CHEK2: variants seen among roughly 807,000 people sequenced by gnomAD.
CHEK2 encodes checkpoint kinase 2, also known as serine/threonine-protein kinase Chk2.
A neutral mutation model predicts 69.1 loss-of-function variants in CHEK2; 71 were observed. The ratio of observed to expected loss-of-function variants is 1.03; its 90% confidence interval spans 0.85 to 1.25. The LOEUF is 1.25. Ranked by LOEUF, CHEK2 falls within the 50% of genes most tolerant of loss-of-function variation. The probability of loss-of-function intolerance (pLI) is 0.00; values close to 1 mark genes in which losing one functional copy is unlikely to be tolerated. For synonymous variants in CHEK2, 189 were observed against 226.9 expected (o/e 0.83, Z 1.50); for missense variants, 664 against 649.6 (o/e 1.02, Z -0.24).
At chr22:28,699,651 C>T (rs1227157028) in intron 9 of CHEK2, 187 bp downstream of exon 9, 4 of 607,952 alleles carry the variant, frequency 6.6e-6, no homozygotes, top group Non-Finnish European at 1.2e-5. Context: ...CATGAACCAC[C>T]GCGCCTCGCC....
intron 2 of CHEK2, among the ~76,000 whole-genome samples, chr22:28,726,714 G>A (rs1601830046): frequency 1.4e-5 from 2 of 147,076 alleles, no homozygotes; most frequent in South Asian, 2.2e-4. Context: ...AAAATTACTT[G>A]CAATACAGTA....
intron 9 of CHEK2, 58 bp from the exon 10 acceptor site, chr22:28,697,045 C>A (rs2145819406): frequency 1.9e-6 from 2 of 1,042,500 alleles, no homozygotes; most frequent in South Asian, 2.5e-5. Flanking sequence ...TAAGTAGAAT[C>A]AAAGTTACCA....
chr22:28,728,654 A>G (rs140890884), intron 2 of CHEK2, among the ~76,000 whole-genome samples: 127 of 152,118 alleles, frequency 8.3e-4, no homozygotes, highest in Admixed American at 4.1e-3. Flanking sequence ...GTGAGCCAAT[A>G]TTGTGCCACT....
intron 12 of CHEK2, among the ~76,000 whole-genome samples, chr22:28,694,464 T>A (rs914918922): frequency 6.6e-5 from 10 of 152,178 alleles, no homozygotes; most frequent in African/African-American, 2.4e-4. Context: ...CTCTGACATC[T>A]ACAGATGGAT....
intron 14 of CHEK2, 104 bp from the exon 15 acceptor site, chr22:28,688,090 T>C: frequency 1.1e-6 from 1 of 946,240 alleles, no homozygotes; most frequent in Non-Finnish European, 1.6e-6. Flanking sequence ...GGGCATTTGA[T>C]GTGAAATTCT....
At chr22:28,688,149 C>T (rs549265457) in intron 14 of CHEK2, among the ~76,000 whole-genome samples, 163 bp from the exon 15 acceptor site, 1 of 152,352 alleles carries the variant, frequency 6.6e-6, no homozygotes, top group Non-Finnish European at 1.5e-5. Flanking sequence ...GTCCTCACCA[C>T]AGCCCCCAAC....
At chr22:28,735,283 G>T (rs1237135164) in intron 1 of CHEK2, among the ~76,000 whole-genome samples, 1 of 151,950 alleles carries the variant, frequency 6.6e-6, no homozygotes, top group African/African-American at 2.4e-5. Context: ...GCGGGCACCT[G>T]TATTCTCAGC....
At chr22:28,705,093 T>G (rs1173294503) in intron 7 of CHEK2, among the ~76,000 whole-genome samples, 1 of 151,782 alleles carries the variant, frequency 6.6e-6, no homozygotes, top group Non-Finnish European at 1.5e-5. Context: ...TTTTTTTTTT[T>G]TTTGAGACGG....
intron 7 of CHEK2, among the ~76,000 whole-genome samples, chr22:28,706,584 T>C (rs574909779): frequency 9.1e-4 from 139 of 152,178 alleles, no homozygotes; most frequent in African/African-American, 3.1e-3. Flanking sequence ...GCTGGGATTA[T>C]AGGCATGAGC....
intron 1 of CHEK2, among the ~76,000 whole-genome samples, chr22:28,736,756 A>G (rs1465814113): frequency 1.3e-5 from 2 of 150,374 alleles, no homozygotes; most frequent in Non-Finnish European, 3.0e-5. Context: ...CCTGGCCAAC[A>G]TAGTGGGACC....
intron 1 of CHEK2, among the ~76,000 whole-genome samples, chr22:28,736,556 T>C (rs907254683): frequency 4.6e-5 from 7 of 152,226 alleles, no homozygotes; most frequent in Admixed American, 3.3e-4. Flanking sequence ...CCGGCCTTGA[T>C]GTAATCTTGC....
At chr22:28,701,080 T>C (rs1224450904) in intron 8 of CHEK2, among the ~76,000 whole-genome samples, 1 of 151,474 alleles carries the variant, frequency 6.6e-6, no homozygotes, top group East Asian at 2.0e-4. Flanking sequence ...TGAGCCACCG[T>C]GCCCGGCTCT....
intron 7 of CHEK2, among the ~76,000 whole-genome samples, chr22:28,704,925 A>C (rs1429976904): frequency 2.0e-5 from 3 of 152,150 alleles, no homozygotes; most frequent in African/African-American, 7.2e-5. Flanking sequence ...TTATATAGCA[A>C]TGAATGAATG....
chr22:28,695,414 T>C (rs2052534286), intron 11 of CHEK2, among the ~76,000 whole-genome samples, 172 bp from the exon 12 acceptor site: 1 of 152,178 alleles, frequency 6.6e-6, no homozygotes, highest in Admixed American at 6.5e-5. Context: ...CCCAGCACTT[T>C]GGGAGGCCGA....
At chr22:28,721,104 A>T (rs539603996) in intron 4 of CHEK2, among the ~76,000 whole-genome samples, 2 of 152,342 alleles carry the variant, frequency 1.3e-5, no homozygotes, top group South Asian at 4.1e-4. Context: ...TAAATGCCTA[A>T]TAAAATATCT....
chr22:28,713,156 T>C (rs558025409), intron 5 of CHEK2, among the ~76,000 whole-genome samples: 2 of 152,372 alleles, frequency 1.3e-5, no homozygotes, highest in South Asian at 2.1e-4. Flanking sequence ...TCATTCCTTT[T>C]TACAGCTGAA....
rs2053321155 is a variant in CHEK2 at position 28,709,932 on chromosome 22, T to G, written c.846+74A>C. 4.4e-6 allele frequency: 4 copies of G among 912,418 alleles called. No homozygotes were observed. The Admixed American group carries it at 8.0e-5, about 18-fold the overall frequency. The allele number at this position is 912,418 out of a possible 1,614,324, so 56.5% of individuals were successfully genotyped here. On this transcript the variant is annotated intron_variant, in intron 7 of 14. Coordinates refer to ENST00000404276, the MANE Select transcript of CHEK2 (RefSeq NM_007194.4). ...CACCTGGCCAATATTATCTTTATTA[T>G]ACTGAAAGGCTTTATACTCTTCTCA...
At chr22:28,710,808 C>T (rs957036017) in intron 6 of CHEK2, among the ~76,000 whole-genome samples, 5 of 152,220 alleles carry the variant, frequency 3.3e-5, no homozygotes, top group African/African-American at 1.2e-4. Context: ...CCGCTAAACT[C>T]ATTACCAAGT....
chr22:28,709,970 G>T, intron 7 of CHEK2, 36 bp downstream of exon 7: 1 of 1,165,288 alleles, frequency 8.6e-7, no homozygotes, highest in Non-Finnish European at 1.3e-6. Context: ...TTTTGAGATA[G>T]ATAAATCTAA....
Sources: gnomAD v4.1 joint callset for allele counts (sites outside exome capture counted in the v4.1 genomes callset) on GRCh38, gnomAD v4.1.1 for gene constraint, MANE v1.5 for transcripts, NCBI Gene and HGNC (gene_info 2026-07-23, HGNC 2026-07-21) for gene names.